The following FGF14 variants were observed in gnomAD, a reference collection of about 807,000 sequenced individuals.
The protein encoded by FGF14 is fibroblast growth factor homologous factor 4.
In FGF14, 5 loss-of-function variants were observed where a neutral mutation model predicts 25.5. The ratio of observed to expected loss-of-function variants is 0.20; its 90% CI spans 0.10 to 0.41. The LOEUF is 0.41. Ranked by LOEUF, FGF14 falls within the 10% of genes least tolerant of loss-of-function variation. The pLI is 1.00. For synonymous variants in FGF14, 138 were observed against 118.3 expected, an observed-to-expected ratio of 1.17 and a Z score of -1.08; for missense variants, 222 against 320.1, an observed-to-expected ratio of 0.69 and a Z score of 2.34.
At chr13:102,209,126 C>T (rs9518659) in intron 1 of FGF14, among the ~76,000 whole-genome samples, 1 of 152,042 alleles carries the variant, frequency 6.6e-6, no homozygotes, top group African/African-American at 2.4e-5. Flanking sequence ...CTCAATGGTT[C>T]CAACAGAAGC....
chr13:102,016,848 C>G (rs1266151320), intron 1 of FGF14: 1 of 152,422 alleles, frequency 6.6e-6, no homozygotes, highest in African/African-American at 2.4e-5. Flanking sequence ...GTTACTGCCC[C>G]CTCCTGTTTT....
At chr13:102,234,031 C>T (rs1244653852) in intron 1 of FGF14, among the ~76,000 whole-genome samples, 1 of 152,096 alleles carries the variant, frequency 6.6e-6, no homozygotes, top group Non-Finnish European at 1.5e-5. Flanking sequence ...AAGGTGGTTG[C>T]CAGGGACTGG....
intron 1 of FGF14, among the ~76,000 whole-genome samples, chr13:101,980,008 A>C (rs1183174125): frequency 6.6e-6 from 1 of 152,224 alleles, no homozygotes; most frequent in Non-Finnish European, 1.5e-5. Flanking sequence ...TGAGGCAACC[A>C]ATACCATTTT....
intron 3 of FGF14, among the ~76,000 whole-genome samples, chr13:101,860,218 G>A (rs1387923038): frequency 6.6e-6 from 1 of 152,000 alleles, no homozygotes; most frequent in Non-Finnish European, 1.5e-5. Flanking sequence ...TTCATTTTCT[G>A]AAGTCTCAGC....
intron 1 of FGF14, among the ~76,000 whole-genome samples, chr13:102,016,169 A>T (rs1184624045): frequency 3.3e-5 from 5 of 152,162 alleles, no homozygotes; most frequent in Admixed American, 2.6e-4. Context: ...CTTAGGAGGT[A>T]GTTTAACTGT....
chr13:102,264,437 A>G (rs949420658), intron 1 of FGF14, among the ~76,000 whole-genome samples: 1 of 152,316 alleles, frequency 6.6e-6, no homozygotes, highest in African/African-American at 2.4e-5. Flanking sequence ...TGATTGAGTT[A>G]TATGGCTATT....
chr13:101,957,310 G>A (rs1378950663), intron 1 of FGF14, among the ~76,000 whole-genome samples: 1 of 151,992 alleles, frequency 6.6e-6, no homozygotes, highest in Non-Finnish European at 1.5e-5. Context: ...TTCTTTTGGG[G>A]CAAGAAAAGC....
At chr13:102,401,651 T>C in exon 1 of FGF14, 1 of 1,614,098 alleles carries the variant, frequency 6.2e-7, no homozygotes, top group Non-Finnish European at 8.5e-7. Context: ...AAATCAGTTC[T>C]CCTGAAGAGG....
At chr13:101,927,234 G>GT (rs2034427094) in intron 1 of FGF14, among the ~76,000 whole-genome samples, 1 of 152,124 alleles carries the variant, frequency 6.6e-6, no homozygotes, top group Admixed American at 6.5e-5. Context: ...CACTTGACAG[G>GT]TTTTGTTTTA....
intron 3 of FGF14, among the ~76,000 whole-genome samples, chr13:101,776,285 G>A (rs919697129): frequency 6.6e-6 from 1 of 152,164 alleles, no homozygotes; most frequent in Non-Finnish European, 1.5e-5. Flanking sequence ...ACTGTCCTCT[G>A]GAAAGGTAGA....
chr13:101,726,970 T>C (rs934835374), intron 3 of FGF14, among the ~76,000 whole-genome samples, 160 bp from the exon 4 acceptor site: 1 of 152,116 alleles, frequency 6.6e-6, no homozygotes, highest in African/African-American at 2.4e-5. Flanking sequence ...TATACATTTT[T>C]AAAATATACA....
At chr13:102,186,734 G>A (rs1319314527) in intron 1 of FGF14, among the ~76,000 whole-genome samples, 3 of 152,124 alleles carry the variant, frequency 2.0e-5, no homozygotes, top group African/African-American at 7.2e-5. Flanking sequence ...TAAGAGCGAT[G>A]CCTGAGTTAC....
At chr13:102,212,224 T>C (rs1479073158) in intron 1 of FGF14, among the ~76,000 whole-genome samples, 1 of 152,184 alleles carries the variant, frequency 6.6e-6, no homozygotes, top group African/African-American at 2.4e-5. Context: ...TTTTCATTTG[T>C]TTGTTGGTTT....
chr13:101,981,643 TA>T (rs200711106), intron 1 of FGF14, among the ~76,000 whole-genome samples: 8,083 of 91,672 alleles, frequency 0.088, 643 homozygotes, highest in African/African-American at 0.28. Context: ...TGGCCATAAT[TA>T]AAAAACAACA....
chr13:102,152,201 C>T (rs1003434275), intron 1 of FGF14, among the ~76,000 whole-genome samples: 5 of 152,204 alleles, frequency 3.3e-5, no homozygotes, highest in Admixed American at 6.5e-5. Flanking sequence ...GACAACCTCT[C>T]ATCATGATTT....
chr13:102,383,069 T>C (rs1191423440), intron 1 of FGF14, among the ~76,000 whole-genome samples: 1 of 152,128 alleles, frequency 6.6e-6, no homozygotes, highest in Non-Finnish European at 1.5e-5. Flanking sequence ...AACTATTGAA[T>C]TGTATACTTT....
intron 1 of FGF14, among the ~76,000 whole-genome samples, chr13:102,306,569 A>G (rs925614054): frequency 1.3e-5 from 2 of 152,280 alleles, no homozygotes; most frequent in African/African-American, 4.8e-5. Context: ...GGCTTTGACA[A>G]GGTAAGAGGG....
chr13:101,924,628 A>T (rs531471201), intron 1 of FGF14, among the ~76,000 whole-genome samples: 40 of 152,354 alleles, frequency 2.6e-4, no homozygotes, highest in Non-Finnish European at 5.4e-4. Flanking sequence ...GAACAAGAGC[A>T]TGTCTGTTTA....
At chr13:102,339,617 G>T (rs982744570) in intron 1 of FGF14, among the ~76,000 whole-genome samples, 1 of 152,128 alleles carries the variant, frequency 6.6e-6, no homozygotes, top group Non-Finnish European at 1.5e-5. Flanking sequence ...AGAATCGAAT[G>T]CAGTGATATC....
Sources: allele counts gnomAD v4.1 joint callset (sites outside exome capture counted in the v4.1 genomes callset), GRCh38; gene constraint gnomAD v4.1.1; transcripts MANE v1.5; gene names NCBI Gene and HGNC (gene_info 2026-07-23, HGNC 2026-07-21).